The following SNTG1 variants were observed in gnomAD, a reference collection of about 807,000 sequenced individuals.
SNTG1 encodes the protein gamma-1-syntrophin.
In SNTG1, 39 loss-of-function variants were observed where a neutral mutation model predicts 74.7. The observed-to-expected ratio is 0.52, with a 90% confidence interval of 0.40 to 0.68. The LOEUF is 0.68. SNTG1 is among the 30% of genes least tolerant of loss of function. The pLI is 0.00. For synonymous variants in SNTG1, 254 were observed against 217.1 expected, an observed-to-expected ratio of 1.17 and a Z score of -1.49; for missense variants, 685 against 609.5, an observed-to-expected ratio of 1.12 and a Z score of -1.30.
At chr8:50,442,680 T>TAAAAAAAAAAAAAAAA (rs5891365) in intron 5 of SNTG1, among the ~76,000 whole-genome samples, 13 of 81,166 alleles carry the variant, frequency 1.6e-4, no homozygotes, top group Non-Finnish European at 2.1e-4. Context: ...TGTCTATCAG[T>TAAAAAAAAAAAAAAAA]AAAAAAAAAA....
intron 15 of SNTG1, among the ~76,000 whole-genome samples, chr8:50,674,219 T>C (rs2095299195): frequency 6.6e-6 from 1 of 152,146 alleles, no homozygotes; most frequent in Non-Finnish European, 1.5e-5. Context: ...TCCCTCCTTT[T>C]GGATTGTTTG....
chr8:50,575,637 G>C (rs1309696601), intron 12 of SNTG1: 1 of 152,298 alleles, frequency 6.6e-6, no homozygotes, highest in Admixed American at 6.6e-5. Flanking sequence ...TGCTACCTCT[G>C]TATCGTTGAT....
chr8:50,336,186 T>C (rs2091135936), intron 2 of SNTG1, among the ~76,000 whole-genome samples: 1 of 152,236 alleles, frequency 6.6e-6, no homozygotes, highest in Non-Finnish European at 1.5e-5. Flanking sequence ...ATGTAATTTC[T>C]CTTAATGTTC....
chr8:50,289,343 G>A lies in SNTG1; in HGVS notation c.-27-104869G>A, dbSNP rs181504565. The stretch of plus-strand genomic sequence containing the variant: ...CACCGAATAGAATGCACAGACTTAG[G>A]ACAAATCTCCAGGGTGCAACTGCAT... On this transcript the variant is annotated intron_variant, in intron 2 of 18. Coordinates refer to ENST00000642720, the MANE Select transcript of SNTG1 (RefSeq NM_018967.5). 4.6e-5 allele frequency among the ~76,000 whole-genome samples: 7 copies of A among 152,220 alleles called. No homozygotes were observed. In the East Asian group the frequency reaches 5.8e-4, roughly 13 times the overall value.
chr8:50,165,906 C>T (rs556499060), intron 1 of SNTG1, among the ~76,000 whole-genome samples: 1 of 151,266 alleles, frequency 6.6e-6, no homozygotes, highest in Non-Finnish European at 1.5e-5. Context: ...CAGCATGGTA[C>T]TGGTACCAAA....
chr8:50,534,792 A>T (rs998412879), intron 10 of SNTG1, among the ~76,000 whole-genome samples: 4 of 152,078 alleles, frequency 2.6e-5, no homozygotes, highest in African/African-American at 9.7e-5. Flanking sequence ...AAAAATAAAA[A>T]AACCTTCTGT....
chr8:50,675,957 T>C (rs11996267), intron 15 of SNTG1, among the ~76,000 whole-genome samples: 35,812 of 151,392 alleles, frequency 0.24, 4,383 homozygotes, highest in South Asian at 0.31. Flanking sequence ...TGAATATTGG[T>C]TCCCAATCTC....
chr8:50,005,386 A>C (rs910030870), intron 1 of SNTG1, among the ~76,000 whole-genome samples: 1 of 152,022 alleles, frequency 6.6e-6, no homozygotes, highest in Non-Finnish European at 1.5e-5. Flanking sequence ...AAATAAACCC[A>C]AAAATTTCCT....
Position 50,507,445 on chromosome 8 carries a change from A to G in SNTG1, c.466+4565A>G, listed in dbSNP as rs77356314. 2.8e-4 allele frequency among the ~76,000 whole-genome samples: 42 copies of G among 152,234 alleles called. No homozygotes were observed. The East Asian group carries it at 5.6e-3, about 20-fold the overall frequency. ...CTTGGTAAAGTTCTACAGTAAAACC[A>G]TCTGGTCATGGGCCCTTCGTATTTT... On this transcript the variant is annotated intron_variant, in intron 9 of 18. Coordinates refer to ENST00000642720, the MANE Select transcript of SNTG1 (RefSeq NM_018967.5).
chr8:50,026,233 T>C (rs533988924), intron 1 of SNTG1, among the ~76,000 whole-genome samples: 56 of 152,330 alleles, frequency 3.7e-4, no homozygotes, highest in Admixed American at 3.3e-4. Context: ...GATTTTACTG[T>C]ATTTGTATGG....
At chr8:50,305,396 G>A (rs1021576782) in intron 2 of SNTG1, among the ~76,000 whole-genome samples, 1 of 151,900 alleles carries the variant, frequency 6.6e-6, no homozygotes, top group East Asian at 1.9e-4. Context: ...ACTAGAATGT[G>A]TCTTCTTGGT....
At chr8:50,667,734 A>G (rs1220977415) in intron 15 of SNTG1, among the ~76,000 whole-genome samples, 2 of 151,972 alleles carry the variant, frequency 1.3e-5, no homozygotes, top group Admixed American at 1.3e-4. Flanking sequence ...GCATTTTCTG[A>G]CTATAATTAT....
At chr8:50,132,351 T>C (rs759212666) in intron 1 of SNTG1, among the ~76,000 whole-genome samples, 1 of 152,134 alleles carries the variant, frequency 6.6e-6, no homozygotes, top group African/African-American at 2.4e-5. Context: ...AATTTTATCA[T>C]TTAAATTATT....
chr8:50,050,199 C>T (rs1027854658), intron 1 of SNTG1, among the ~76,000 whole-genome samples: 3 of 151,534 alleles, frequency 2.0e-5, no homozygotes, highest in Non-Finnish European at 4.4e-5. Flanking sequence ...TCAAAACACC[C>T]TTAGCGAGTT....
intron 2 of SNTG1, among the ~76,000 whole-genome samples, chr8:50,355,253 A>C (rs1190578179): frequency 7.7e-6 from 1 of 129,222 alleles, no homozygotes; most frequent in East Asian, 2.0e-4. Flanking sequence ...ATAATTAATT[A>C]ATTAAATAAA....
chr8:50,253,817 C>T (rs1286412274), intron 2 of SNTG1, among the ~76,000 whole-genome samples: 1 of 150,560 alleles, frequency 6.6e-6, no homozygotes, highest in African/African-American at 2.5e-5. Context: ...AAGCCAGACA[C>T]AGAAAGGTCA....
intron 2 of SNTG1, among the ~76,000 whole-genome samples, chr8:50,333,732 T>C (rs1039730915): frequency 6.6e-6 from 1 of 152,198 alleles, no homozygotes; most frequent in Non-Finnish European, 1.5e-5. Context: ...AGGCCAACGT[T>C]GTTTCCAAAC....
chr8:50,161,175 GT>G (rs1409376234), intron 1 of SNTG1, among the ~76,000 whole-genome samples: 1 of 152,172 alleles, frequency 6.6e-6, no homozygotes, highest in African/African-American at 2.4e-5. Flanking sequence ...GATCACATAA[GT>G]TGAAATTTTA....
intron 18 of SNTG1, among the ~76,000 whole-genome samples, chr8:50,772,088 C>T (rs951218475): frequency 6.6e-6 from 1 of 152,048 alleles, no homozygotes; most frequent in African/African-American, 2.4e-5. Flanking sequence ...TCTACCAAGT[C>T]CTCACCAGCA....
Sources: gnomAD v4.1 joint callset for allele counts (sites outside exome capture counted in the v4.1 genomes callset) on GRCh38, gnomAD v4.1.1 for gene constraint, MANE v1.5 for transcripts, NCBI Gene and HGNC (gene_info 2026-07-23, HGNC 2026-07-21) for gene names.